SKAP1: variants seen among roughly 807,000 people sequenced by gnomAD.
SKAP1 encodes src kinase-associated phosphoprotein 1.
A neutral mutation model predicts 58.5 loss-of-function variants in SKAP1; 44 were observed. The observed-to-expected ratio is 0.75, with a 90% CI of 0.59 to 0.97. The LOEUF (loss-of-function observed/expected upper bound fraction) is 0.97, where lower values mean the gene tolerates loss of function less well. Among genes scored for constraint, SKAP1 ranks in the 50% least tolerant of loss-of-function variants. The probability of loss-of-function intolerance (pLI) is 0.00; values close to 1 mark genes in which losing one functional copy is unlikely to be tolerated. For missense variants in SKAP1, 390 were observed against 435.2 expected (o/e 0.90, Z 0.92); for synonymous variants, 127 against 149.7 (o/e 0.85, Z 1.11).
rs146946155 is a variant in SKAP1 at position 48,366,316 on chromosome 17, TC to T, written c.153-2503del. On this transcript the variant is annotated intron_variant, in intron 2 of 12. Transcript: ENST00000336915. Reference sequence around the variant, plus strand: ...AGTGGAGAAGAAACCTGACAATTTGTCCTTCCTTGTTCCTTTCCTTTTCCAG... The same window carrying T: ...AGTGGAGAAGAAACCTGACAATTTGTCTTCCTTGTTCCTTTCCTTTTCCAG... Among the ~76,000 whole-genome samples, 321 of 152,350 alleles carry T rather than the reference TC, an allele frequency of 2.1e-3. 1 individual carries two copies. Among genetic ancestry groups the T allele is most frequent in the African/African-American group, 7.4e-3 (308 of 41,576 alleles).
At chr17:48,405,034 G>A (rs2067552264) in intron 1 of SKAP1, among the ~76,000 whole-genome samples, 1 of 152,080 alleles carries the variant, frequency 6.6e-6, no homozygotes, top group Non-Finnish European at 1.5e-5. Flanking sequence ...CCTGTTATGT[G>A]CTAAGTAACG....
chr17:48,300,890 G>A lies in SKAP1; in HGVS notation c.280+45015C>T, dbSNP rs115354650. On this transcript the variant is annotated intron_variant, in intron 4 of 12. Transcript: ENST00000336915. ...CCTCCCTTCAAGTAAAAATATCTCC[G>A]TATCTTCATTCTCTTCTATCCTTTA... 4.9e-3 allele frequency among the ~76,000 whole-genome samples: 738 copies of A among 152,050 alleles called. 4 individuals are homozygous for A. The highest frequency in any genetic ancestry group is 0.016 in the African/African-American group (666 of 41,466).
At chr17:48,379,279 A>G (rs1249936385) in intron 2 of SKAP1, among the ~76,000 whole-genome samples, 2 of 152,228 alleles carry the variant, frequency 1.3e-5, no homozygotes, top group African/African-American at 4.8e-5. Context: ...CCTCATTAGA[A>G]GCTTTCATGA....
At chr17:48,150,685 G>A (rs1451285297) in intron 11 of SKAP1, among the ~76,000 whole-genome samples, 2 of 152,138 alleles carry the variant, frequency 1.3e-5, no homozygotes, top group Non-Finnish European at 1.5e-5. Context: ...TGGTGGGTGC[G>A]TATAAGATAG....
chr17:48,193,495 T>C lies in SKAP1; in HGVS notation c.281-3995A>G, dbSNP rs8072525. ...GAAATGAGGTCAGATCAGTCTCTAG[T>C]CTACTAACTGTCTTCTGTGTACAAG... On this transcript the variant is annotated intron_variant, in intron 4 of 12. Transcript: ENST00000336915. Among the ~76,000 whole-genome samples, 1,323 of 152,340 alleles carry C rather than the reference T, an allele frequency of 8.7e-3. 25 individuals carry two copies. The highest frequency in any genetic ancestry group is 0.03 in the African/African-American group (1,255 of 41,566).
the SKAP1 span, among the ~76,000 whole-genome samples, chr17:48,444,566 C>G: frequency 6.6e-6 from 1 of 152,316 alleles, no homozygotes; most frequent in South Asian, 2.1e-4. Context: ...TCTCTCCTTC[C>G]CCTCTCTCTG....
At chr17:48,413,543 T>TATATATATATATA (rs1567905650) in intron 1 of SKAP1, among the ~76,000 whole-genome samples, 1 of 117,734 alleles carries the variant, frequency 8.5e-6, no homozygotes. Context: ...TATATATATA[T>TATATATATATATA]TTGCTCTTCA....
In SKAP1 at chr17:48,292,639, T is replaced by A. The variant is rs564664890; in HGVS notation, c.280+53266A>T. Among the ~76,000 whole-genome samples, 4 of 152,342 alleles carry A rather than the reference T, an allele frequency of 2.6e-5. 1 individual carries two copies. Among genetic ancestry groups the A allele is most frequent in the African/African-American group, 9.6e-5 (4 of 41,582 alleles). On this transcript the variant is annotated intron_variant, in intron 4 of 12. Coordinates refer to ENST00000336915, the MANE Select transcript of SKAP1 (RefSeq NM_003726.4). ...AACACCTCTCATATTTGGATGAGTA[T>A]TATAGACTTTGAACCTGTTCATAAA...
At chr17:48,264,995 T>G (rs1183577042) in intron 4 of SKAP1, among the ~76,000 whole-genome samples, 1 of 152,192 alleles carries the variant, frequency 6.6e-6, no homozygotes, top group South Asian at 2.1e-4. Context: ...GCTAAAAACA[T>G]GACTCTACTG....
At chr17:48,341,913 T>C (rs1472038678) in intron 4 of SKAP1, among the ~76,000 whole-genome samples, 1 of 152,254 alleles carries the variant, frequency 6.6e-6, no homozygotes, top group Non-Finnish European at 1.5e-5. Context: ...TTTAGGTTTC[T>C]TCTAAAATAA....
At chr17:48,282,398 A>G (rs2065778092) in intron 4 of SKAP1, among the ~76,000 whole-genome samples, 1 of 152,180 alleles carries the variant, frequency 6.6e-6, no homozygotes, top group African/African-American at 2.4e-5. Flanking sequence ...TTGCAAAAAT[A>G]GTACAGAGTT....
chr17:48,174,037 A>G (rs1262774090), intron 9 of SKAP1, among the ~76,000 whole-genome samples: 1 of 152,244 alleles, frequency 6.6e-6, no homozygotes, highest in East Asian at 1.9e-4. Flanking sequence ...TTTGGGCAAC[A>G]GCACTTAATC....
intron 4 of SKAP1, among the ~76,000 whole-genome samples, chr17:48,216,890 C>G (rs188142689): frequency 6.6e-6 from 1 of 152,172 alleles, no homozygotes; most frequent in East Asian, 1.9e-4. Context: ...TTATAAGTAT[C>G]AGATTCAAAA....
intron 4 of SKAP1, among the ~76,000 whole-genome samples, chr17:48,299,222 C>T (rs2144119043): frequency 6.6e-6 from 1 of 152,320 alleles, no homozygotes; most frequent in Non-Finnish European, 1.5e-5. Flanking sequence ...TGAGTTGTAA[C>T]ATACACAATG....
chr17:48,362,884 T>C (rs117178609), intron 3 of SKAP1, among the ~76,000 whole-genome samples: 5,375 of 152,274 alleles, frequency 0.035, 139 homozygotes, highest in Non-Finnish European at 0.054. Flanking sequence ...AAGTTTACAA[T>C]TGGTTAAGAA....
intron 4 of SKAP1, among the ~76,000 whole-genome samples, chr17:48,292,526 T>C (rs901144904): frequency 7.9e-5 from 12 of 152,180 alleles, no homozygotes; most frequent in Non-Finnish European, 1.5e-5. Context: ...GAAAAAATAC[T>C]ACATCACAAA....
intron 4 of SKAP1, among the ~76,000 whole-genome samples, chr17:48,279,828 G>A (rs138246675): frequency 7.2e-5 from 11 of 151,812 alleles, no homozygotes; most frequent in African/African-American, 1.7e-4. Flanking sequence ...TTCTCTCTTC[G>A]TAGCCTGGGC....
chr17:48,442,921 C>T, the SKAP1 span, among the ~76,000 whole-genome samples: 4 of 152,292 alleles, frequency 2.6e-5, no homozygotes, highest in South Asian at 2.1e-4. Flanking sequence ...GGCTAACAAG[C>T]GTCTACCATC....
At chr17:48,147,934 G>A (rs1436528314) in intron 11 of SKAP1, among the ~76,000 whole-genome samples, 1 of 147,952 alleles carries the variant, frequency 6.8e-6, no homozygotes, top group Non-Finnish European at 1.5e-5. Context: ...GTGAGAAGGG[G>A]GACATGGGAA....
Sources: allele counts gnomAD v4.1 joint callset (sites outside exome capture counted in the v4.1 genomes callset), GRCh38; gene constraint gnomAD v4.1.1; transcripts MANE v1.5; gene names NCBI Gene and HGNC (gene_info 2026-07-23, HGNC 2026-07-21).